The following CDH13 variants were observed in gnomAD, a reference collection of about 807,000 sequenced individuals.
CDH13 encodes the protein cadherin-13.
CDH13 carries 24 observed loss-of-function variants against 63.8 expected under a neutral mutation model. The observed-to-expected ratio is 0.38, with a 90% confidence interval of 0.27 to 0.53. The LOEUF is 0.53. CDH13 is among the 20% of genes least tolerant of loss of function. The pLI is 0.85. For synonymous variants in CDH13, 503 were observed against 355.3 expected, an observed-to-expected ratio of 1.42 and a Z score of -4.67; for missense variants, 1,049 against 903.1, an observed-to-expected ratio of 1.16 and a Z score of -2.07.
chr16:83,537,288 A>G (rs1053083237), intron 7 of CDH13, among the ~76,000 whole-genome samples: 3 of 152,242 alleles, frequency 2.0e-5, no homozygotes, highest in Non-Finnish European at 4.4e-5. Context: ...AACTGGGACA[A>G]TGAATTGGCT....
At chr16:82,859,940 A>G (rs1199249326) in intron 2 of CDH13, among the ~76,000 whole-genome samples, 1 of 152,240 alleles carries the variant, frequency 6.6e-6, no homozygotes, top group Non-Finnish European at 1.5e-5. Flanking sequence ...GGCTGGCACA[A>G]TAAGTGAATT....
chr16:83,761,644 G>C (rs1052382656), intron 11 of CDH13, among the ~76,000 whole-genome samples: 1 of 152,224 alleles, frequency 6.6e-6, no homozygotes, highest in Non-Finnish European at 1.5e-5. Flanking sequence ...CACGAGAGTA[G>C]GTGACAGTCT....
chr16:82,652,501 T>A (rs1910835538), intron 1 of CDH13, among the ~76,000 whole-genome samples: 1 of 152,212 alleles, frequency 6.6e-6, no homozygotes, highest in African/African-American at 2.4e-5. Flanking sequence ...TTTTGAAGTT[T>A]GCTCAGTGAT....
intron 4 of CDH13, among the ~76,000 whole-genome samples, chr16:83,134,153 C>T (rs148669568): frequency 5.4e-4 from 82 of 152,248 alleles, no homozygotes; most frequent in African/African-American, 1.9e-3. Context: ...AATTGCTTGG[C>T]AGTCAACTAT....
intron 5 of CDH13, among the ~76,000 whole-genome samples, chr16:83,229,352 T>C (rs1310893870): frequency 6.6e-6 from 1 of 152,196 alleles, no homozygotes; most frequent in East Asian, 1.9e-4. Context: ...CCTCTACACA[T>C]AGCAAACCAG....
rs116297555 is a variant in CDH13, at chr16:83,396,229, A to G, written c.781+51223A>G. Among the ~76,000 whole-genome samples the G allele has an allele frequency of 5.4e-3, 815 of 152,248 alleles. 7 individuals carry two copies. Among genetic ancestry groups the G allele is most frequent in the African/African-American group, 0.018 (756 of 41,548 alleles). On this transcript the variant is annotated intron_variant, in intron 6 of 13. Coordinates refer to ENST00000567109, the MANE Select transcript of CDH13 (RefSeq NM_001257.5). ...CTTAGGTTGATTCCGTGCCTTTGCT[A>G]TTGTGTTTCACCTTGTTGAACATCA...
intron 4 of CDH13, among the ~76,000 whole-genome samples, chr16:83,152,696 G>A (rs1017724319): frequency 1.3e-5 from 2 of 152,206 alleles, no homozygotes; most frequent in African/African-American, 4.8e-5. Context: ...AACACGCTAT[G>A]TGGTTGTTAC....
intron 2 of CDH13, among the ~76,000 whole-genome samples, chr16:82,966,837 T>C (rs1907911678): frequency 6.6e-6 from 1 of 152,316 alleles, no homozygotes; most frequent in Non-Finnish European, 1.5e-5. Context: ...AAGGATGTTT[T>C]TTCTCTCTCA....
At chr16:83,644,822 AC>A (rs1393135342) in intron 8 of CDH13, among the ~76,000 whole-genome samples, 3 of 152,202 alleles carry the variant, frequency 2.0e-5, no homozygotes, top group Non-Finnish European at 4.4e-5. Context: ...TCATGCTTCC[AC>A]GGGCATGAAC....
chr16:83,380,060 T>C (rs1461918346), intron 6 of CDH13, among the ~76,000 whole-genome samples: 1 of 151,774 alleles, frequency 6.6e-6, no homozygotes, highest in Non-Finnish European at 1.5e-5. Context: ...TATACCATAT[T>C]ATTCTCAGAA....
intron 3 of CDH13, among the ~76,000 whole-genome samples, chr16:83,084,045 A>G (rs2033428220): frequency 6.6e-6 from 1 of 152,316 alleles, no homozygotes; most frequent in Non-Finnish European, 1.5e-5. Flanking sequence ...CTTTGTGGCC[A>G]CATGAACTGG....
chr16:82,871,715 T>TTCACAC lies in CDH13; in HGVS notation c.157+13247_157+13248insCTCACA, dbSNP rs1227288998. On this transcript the variant is annotated intron_variant, in intron 2 of 13. Coordinates refer to ENST00000567109, the MANE Select transcript of CDH13 (RefSeq NM_001257.5). The stretch of plus-strand genomic sequence containing the variant: ...ATTATCAGCTCACATGATTGAAAAT[T>TTCACAC]TCACAGTGTGAGTTGGCTTTGGAAA... 8.5e-5 allele frequency among the ~76,000 whole-genome samples: 13 copies of TTCACAC among 152,290 alleles called. 1 individual carries two copies. The highest frequency in any genetic ancestry group is 4.2e-4 in the South Asian group (2 of 4,816).
At chr16:83,503,005 G>C (rs145478165) in intron 7 of CDH13, among the ~76,000 whole-genome samples, 1 of 152,162 alleles carries the variant, frequency 6.6e-6, no homozygotes, top group Non-Finnish European at 1.5e-5. Flanking sequence ...AGGGCACAGC[G>C]GAGCTCGTTG....
chr16:83,399,304 C>G (rs2091932824), intron 6 of CDH13, among the ~76,000 whole-genome samples: 1 of 152,118 alleles, frequency 6.6e-6, no homozygotes, highest in South Asian at 2.1e-4. Context: ...TGTAAACTGT[C>G]AAGTGTTTTG....
intron 6 of CDH13, among the ~76,000 whole-genome samples, chr16:83,391,904 A>T (rs535598205): frequency 1.3e-5 from 2 of 152,300 alleles, no homozygotes; most frequent in African/African-American, 4.8e-5. Flanking sequence ...GTTGGGTTCT[A>T]GACTCAGATA....
At chr16:82,682,077 T>C (rs939836272) in intron 1 of CDH13, among the ~76,000 whole-genome samples, 2 of 152,186 alleles carry the variant, frequency 1.3e-5, no homozygotes, top group East Asian at 1.9e-4. Context: ...ATAGATAACA[T>C]GTATTGAATT....
intron 8 of CDH13, among the ~76,000 whole-genome samples, chr16:83,627,086 C>A (rs574638847): frequency 6.6e-6 from 1 of 150,394 alleles, no homozygotes; most frequent in African/African-American, 2.5e-5. Context: ...AGTTCAAGAC[C>A]AGCCTCGGCA....
intron 3 of CDH13, among the ~76,000 whole-genome samples, chr16:83,075,237 C>G (rs951422366): frequency 1.2e-4 from 18 of 152,144 alleles, no homozygotes; most frequent in African/African-American, 4.1e-4. Context: ...ACTTGTGATT[C>G]CTGGCATAAC....
intron 3 of CDH13, among the ~76,000 whole-genome samples, chr16:83,091,204 T>G (rs2033890184): frequency 6.6e-6 from 1 of 152,132 alleles, no homozygotes; most frequent in Non-Finnish European, 1.5e-5. Flanking sequence ...TTTCCTTCCT[T>G]TCTTTTCTCC....
Sources: allele counts gnomAD v4.1 joint callset (sites outside exome capture counted in the v4.1 genomes callset), GRCh38; gene constraint gnomAD v4.1.1; transcripts MANE v1.5; gene names NCBI Gene and HGNC (gene_info 2026-07-23, HGNC 2026-07-21).